Variants in FAM167A observed in about 807,000 individuals in gnomAD.
FAM167A encodes protein FAM167A.
FAM167A carries 23 observed loss-of-function variants against 14.9 expected under a neutral mutation model. That is an observed-to-expected ratio of 1.55 (90% CI 1.11 to 2.19). The LOEUF is 2.19. Ranked by LOEUF, FAM167A falls within the 30% of genes most tolerant of loss-of-function variation. The probability of loss-of-function intolerance (pLI) is 0.00; values close to 1 mark genes in which losing one functional copy is unlikely to be tolerated. For missense variants in FAM167A, 401 were observed against 281.5 expected, an observed-to-expected ratio of 1.42 and a Z score of -3.04; for synonymous variants, 174 against 117.7, an observed-to-expected ratio of 1.48 and a Z score of -3.10.
chr8:11,433,430 G>C (rs57738273), intron 2 of FAM167A, among the ~76,000 whole-genome samples: 5,297 of 152,228 alleles, frequency 0.035, 180 homozygotes, highest in Middle Eastern at 0.078. Flanking sequence ...CATTCCTGAA[G>C]AATGTGGCTG....
chr8:11,456,115 TGTGGGAGGTGGTTGCCTTG>T (rs1807273192), intron 1 of FAM167A, among the ~76,000 whole-genome samples: 4 of 34,338 alleles, frequency 1.2e-4, no homozygotes, highest in East Asian at 9.2e-4. Context: ...TGTGTGTGAA[TGTGGGAGGTGGTTGCCTTG>T]CTGTGTGTGT....
chr8:11,465,158 T>C (rs1807708571), intron 1 of FAM167A, among the ~76,000 whole-genome samples: 1 of 152,184 alleles, frequency 6.6e-6, no homozygotes, highest in Non-Finnish European at 1.5e-5. Flanking sequence ...ATGGCTTTCC[T>C]GGCTCCACAG....
intron 1 of FAM167A, among the ~76,000 whole-genome samples, chr8:11,473,385 G>T (rs538480610): frequency 1.3e-5 from 2 of 152,306 alleles, no homozygotes; most frequent in African/African-American, 4.8e-5. Flanking sequence ...GGTGCTAAAA[G>T]AGAAGGACTG....
intron 1 of FAM167A, among the ~76,000 whole-genome samples, chr8:11,453,020 T>G (rs13439487): frequency 0.32 from 48,924 of 152,022 alleles, 8,655 homozygotes; most frequent in Middle Eastern, 0.47. Context: ...CTGCCCCCAT[T>G]CCCCTGCACT....
intron 2 of FAM167A, among the ~76,000 whole-genome samples, chr8:11,435,881 C>G (rs4841531): frequency 3.9e-5 from 6 of 152,138 alleles, no homozygotes; most frequent in African/African-American, 1.4e-4. Context: ...TACAGGACAT[C>G]GAGTTCCGGA....
chr8:11,446,575 G>A (rs1024671787), intron 1 of FAM167A: 1 of 152,176 alleles, frequency 6.6e-6, no homozygotes, highest in Non-Finnish European at 1.5e-5. Flanking sequence ...GGATCAGATG[G>A]CCTAGCTCTA....
chr8:11,456,066 TGTGA>T (rs1388805349), intron 1 of FAM167A, among the ~76,000 whole-genome samples: 6 of 123,402 alleles, frequency 4.9e-5, no homozygotes, highest in Middle Eastern at 4.6e-3. Flanking sequence ...CCTTGCTGTG[TGTGA>T]GTGTGAGTGT....
chr8:11,453,547 G>T (rs1328659980), intron 1 of FAM167A, among the ~76,000 whole-genome samples: 1 of 152,216 alleles, frequency 6.6e-6, no homozygotes, highest in Non-Finnish European at 1.5e-5. Flanking sequence ...ACCTGGCAGG[G>T]CAAGGACTGA....
intron 2 of FAM167A, among the ~76,000 whole-genome samples, chr8:11,434,558 C>A (rs555411586): frequency 6.6e-6 from 1 of 152,140 alleles, no homozygotes; most frequent in Non-Finnish European, 1.5e-5. Flanking sequence ...CGGGCCCTGC[C>A]GAGGACTCCA....
At chr8:11,474,230 A>G (rs903042884) in intron 1 of FAM167A, among the ~76,000 whole-genome samples, 1 of 152,136 alleles carries the variant, frequency 6.6e-6, no homozygotes, top group African/African-American at 2.4e-5. Flanking sequence ...CACCACCTGG[A>G]AAGGGGTGTG....
chr8:11,442,918 C>T (rs1053635453), intron 2 of FAM167A, among the ~76,000 whole-genome samples: 3 of 152,234 alleles, frequency 2.0e-5, no homozygotes, highest in African/African-American at 4.8e-5. Flanking sequence ...CCCTGCCCCA[C>T]TCCAAACCCC....
intron 2 of FAM167A, among the ~76,000 whole-genome samples, chr8:11,435,967 A>G (rs1052380248): frequency 6.6e-6 from 1 of 152,150 alleles, no homozygotes; most frequent in Admixed American, 6.5e-5. Flanking sequence ...TTTACTTCCC[A>G]TGTGGCGCTT....
intron 1 of FAM167A, among the ~76,000 whole-genome samples, chr8:11,456,795 G>A (rs565583550): frequency 1.3e-4 from 19 of 149,786 alleles, no homozygotes; most frequent in African/African-American, 4.2e-4. Flanking sequence ...GCTGGCTAAG[G>A]GAAGTGAGTG....
At chr8:11,431,917 A>G (rs7843222) in intron 2 of FAM167A, among the ~76,000 whole-genome samples, 5,699 of 99,390 alleles carry the variant, frequency 0.057, 721 homozygotes, top group African/African-American at 0.14. Context: ...AAAAAAAAAA[A>G]AAGGATTTTG....
chr8:11,464,982 G>T (rs931353066), intron 1 of FAM167A, among the ~76,000 whole-genome samples: 1 of 152,184 alleles, frequency 6.6e-6, no homozygotes, highest in Non-Finnish European at 1.5e-5. Context: ...GCATGTAATT[G>T]CGAGGACCAG....
chr8:11,468,254 TG>T (rs1208668785), upstream of FAM167A, among the ~76,000 whole-genome samples: 2 of 152,242 alleles, frequency 1.3e-5, no homozygotes, highest in Non-Finnish European at 2.9e-5. Flanking sequence ...CTAGCTTGGC[TG>T]CAGGGGCCTG....
chr8:11,455,286 G>C lies in FAM167A; in HGVS notation c.-397-10478C>G, dbSNP rs149258271. 8.8e-5 allele frequency among the ~76,000 whole-genome samples: 13 copies of C among 148,390 alleles called. No individual in the cohort carries two copies. In the East Asian group the frequency reaches 2.4e-3, roughly 27 times the overall value. On this transcript the variant is annotated intron_variant, in intron 1 of 2. Transcript: ENST00000284486. ...TGGTTGCCTTGCTCTGTGTGTGTCT[G>C]GGGGGGGTGGTTACCCTCCTGGGTG...
chr8:11,425,055 G>C (rs1805039129), intron 2 of FAM167A, among the ~76,000 whole-genome samples: 1 of 152,186 alleles, frequency 6.6e-6, no homozygotes, highest in African/African-American at 2.4e-5. Flanking sequence ...TGGGGGCTTT[G>C]ACTGTGATGG....
rs576077278 is a variant in FAM167A at position 11,427,208 on chromosome 8, A to G, written c.382-2572T>C. On this transcript the variant is annotated intron_variant, in intron 2 of 2. Coordinates refer to ENST00000284486, the MANE Select transcript of FAM167A (RefSeq NM_053279.3). ...TATTTTCTGCTCATGTTTAACCTTG[A>G]TGGGCCTCACAGCCACTCCTGAGGT... Among the ~76,000 whole-genome samples the G allele has an allele frequency of 4.6e-5, 7 of 152,218 alleles. No homozygotes were observed. In the South Asian group the frequency reaches 1.2e-3, roughly 27 times the overall value.
Sources: gnomAD v4.1 joint callset for allele counts (sites outside exome capture counted in the v4.1 genomes callset) on GRCh38, gnomAD v4.1.1 for gene constraint, MANE v1.5 for transcripts, NCBI Gene and HGNC (gene_info 2026-07-23, HGNC 2026-07-21) for gene names.